Variants in MACROD2 observed in about 807,000 individuals in gnomAD.
MACROD2 encodes ADP-ribose glycohydrolase MACROD2.
A neutral mutation model predicts 70.4 loss-of-function variants in MACROD2; 36 were observed. The ratio of observed to expected loss-of-function variants is 0.51; its 90% CI spans 0.39 to 0.68. The LOEUF is 0.68. Ranked by LOEUF, MACROD2 falls within the 30% of genes least tolerant of loss-of-function variation. The probability of loss-of-function intolerance (pLI) is 0.00; values close to 1 mark genes in which losing one functional copy is unlikely to be tolerated. For missense variants in MACROD2, 496 were observed against 538.4 expected, an observed-to-expected ratio of 0.92 and a Z score of 0.78; for synonymous variants, 172 against 178.8, an observed-to-expected ratio of 0.96 and a Z score of 0.30.
At chr20:15,642,155 G>A (rs1568947197) in intron 8 of MACROD2, among the ~76,000 whole-genome samples, 1 of 152,144 alleles carries the variant, frequency 6.6e-6, no homozygotes, top group African/African-American at 2.4e-5. Context: ...TTCCATCTCT[G>A]GTGATCCTGT....
At chr20:15,720,763 C>T (rs566103976) in intron 8 of MACROD2, among the ~76,000 whole-genome samples, 21 of 152,236 alleles carry the variant, frequency 1.4e-4, no homozygotes, top group African/African-American at 4.3e-4. Flanking sequence ...AAAATTCTGG[C>T]AGGTCTTAAT....
chr20:15,908,053 G>T (rs926158198), intron 10 of MACROD2, among the ~76,000 whole-genome samples: 15 of 152,104 alleles, frequency 9.9e-5, no homozygotes, highest in Non-Finnish European at 2.1e-4. Context: ...TAAATATATT[G>T]CATATCTATT....
chr20:15,462,399 A>G (rs2046831353), intron 7 of MACROD2, among the ~76,000 whole-genome samples: 1 of 152,246 alleles, frequency 6.6e-6, no homozygotes, highest in Admixed American at 6.5e-5. Flanking sequence ...TATATTTCAA[A>G]CTGAAATTTT....
intron 5 of MACROD2, among the ~76,000 whole-genome samples, chr20:15,123,021 C>T (rs2076041850): frequency 6.6e-6 from 1 of 152,096 alleles, no homozygotes. Context: ...AATAGGGTAG[C>T]CCAAGCCATA....
intron 3 of MACROD2, among the ~76,000 whole-genome samples, chr20:14,363,014 G>T (rs204626): frequency 3.9e-5 from 6 of 152,010 alleles, no homozygotes; most frequent in Non-Finnish European, 8.8e-5. Flanking sequence ...AGTGGGAGCC[G>T]TCTGACACCT....
rs986237528 is a variant in MACROD2 at position 14,197,911 on chromosome 20, C to T, written c.271+112183C>T. Among the ~76,000 whole-genome samples the T allele has an allele frequency of 3.9e-5, 6 of 152,032 alleles. No homozygotes were observed. In the East Asian group the frequency reaches 9.6e-4, roughly 24 times the overall value. On this transcript the variant is annotated intron_variant, in intron 3 of 17. Transcript: ENST00000684519. ...TGTATAGCTTATGTACGCTAAAGGC[C>T]GATCTTAGATGTAAATCAAATGGGT... is the stretch of plus-strand genomic sequence containing the variant.
intron 4 of MACROD2, among the ~76,000 whole-genome samples, chr20:14,627,340 C>A (rs1436911515): frequency 1.3e-5 from 2 of 152,162 alleles, no homozygotes; most frequent in East Asian, 1.9e-4. Flanking sequence ...CTGGCAGTAA[C>A]CTGCATCTAA....
chr20:14,784,247 T>A (rs1568793594), intron 5 of MACROD2, among the ~76,000 whole-genome samples: 1 of 152,108 alleles, frequency 6.6e-6, no homozygotes, highest in Non-Finnish European at 1.5e-5. Flanking sequence ...TGCTGTCTTC[T>A]AGCCACATAT....
intron 8 of MACROD2, among the ~76,000 whole-genome samples, chr20:15,757,683 A>C (rs1281963501): frequency 6.6e-6 from 1 of 152,170 alleles, no homozygotes; most frequent in Non-Finnish European, 1.5e-5. Context: ...CCAAGAGCAG[A>C]TTCGGTTCCT....
chr20:14,106,679 C>T (rs1414716929), intron 3 of MACROD2, among the ~76,000 whole-genome samples: 1 of 152,110 alleles, frequency 6.6e-6, no homozygotes, highest in East Asian at 1.9e-4. Context: ...TGGTGGTGGT[C>T]ACAAGGATAT....
chr20:14,280,281 G>A (rs954953635), intron 3 of MACROD2, among the ~76,000 whole-genome samples: 6 of 152,060 alleles, frequency 3.9e-5, no homozygotes, highest in Non-Finnish European at 7.4e-5. Flanking sequence ...AGCCACATTC[G>A]TAGTTACTTA....
intron 3 of MACROD2, among the ~76,000 whole-genome samples, chr20:14,230,108 A>G (rs934505855): frequency 2.0e-4 from 31 of 152,182 alleles, no homozygotes; most frequent in African/African-American, 7.5e-4. Flanking sequence ...CTTTTTGCTG[A>G]TAGAGGGTCT....
At chr20:14,409,797 C>G (rs1418985615) in intron 3 of MACROD2, among the ~76,000 whole-genome samples, 1 of 152,082 alleles carries the variant, frequency 6.6e-6, no homozygotes, top group Non-Finnish European at 1.5e-5. Flanking sequence ...CGCATTGATA[C>G]AAGAATGCTC....
In MACROD2 at chr20:15,353,151, A is replaced by G. The variant is rs796190109; in HGVS notation, c.541-78254A>G. Among the ~76,000 whole-genome samples the G allele has an allele frequency of 3.3e-5, 5 of 150,762 alleles. No homozygotes were observed. In the South Asian group the frequency reaches 1.0e-3, roughly 32 times the overall value. ...AACAGCATGGTACTGGTACCAAAAC[A>G]GAGATATAGATCAATGGAACAGAAC... On this transcript the variant is annotated intron_variant, in intron 6 of 17. Coordinates refer to ENST00000684519, the MANE Select transcript of MACROD2 (RefSeq NM_001351661.2).
intron 5 of MACROD2, among the ~76,000 whole-genome samples, chr20:14,997,787 G>A (rs1044362433): frequency 6.6e-5 from 10 of 152,132 alleles, no homozygotes; most frequent in African/African-American, 9.7e-5. Context: ...TGGGCCCTGG[G>A]CAAGTCCCAG....
chr20:15,197,252 A>G (rs528370426), intron 5 of MACROD2, among the ~76,000 whole-genome samples: 2 of 152,230 alleles, frequency 1.3e-5, no homozygotes, highest in Non-Finnish European at 2.9e-5. Flanking sequence ...TGACATCCCA[A>G]AGGAGAAAAT....
intron 6 of MACROD2, among the ~76,000 whole-genome samples, chr20:15,298,581 G>A (rs913324834): frequency 2.0e-5 from 3 of 152,240 alleles, no homozygotes; most frequent in African/African-American, 7.2e-5. Context: ...TCAAGTTTAT[G>A]TAGTTATGTA....
chr20:14,161,796 G>A (rs1285667694), intron 3 of MACROD2, among the ~76,000 whole-genome samples: 16 of 150,092 alleles, frequency 1.1e-4, no homozygotes, highest in Admixed American at 5.3e-4. Flanking sequence ...AGGTTTAACC[G>A]TGTTAGCCAG....
At chr20:14,203,794 C>G (rs1190337663) in intron 3 of MACROD2, among the ~76,000 whole-genome samples, 2 of 152,168 alleles carry the variant, frequency 1.3e-5, no homozygotes, top group Non-Finnish European at 2.9e-5. Flanking sequence ...TGCCAGTCCT[C>G]AAGCCCTTGG....
Sources: allele counts gnomAD v4.1 joint callset (sites outside exome capture counted in the v4.1 genomes callset), GRCh38; gene constraint gnomAD v4.1.1; transcripts MANE v1.5; gene names NCBI Gene and HGNC (gene_info 2026-07-23, HGNC 2026-07-21).